The following MFGE8 variants were observed in gnomAD, a reference collection of about 807,000 sequenced individuals.
MFGE8 encodes the protein milk fat globule EGF and factor V/VIII domain containing, also known as lactadherin.
In MFGE8, 34 loss-of-function variants were observed where a neutral mutation model predicts 42.6. That is an observed-to-expected ratio of 0.80 (90% CI 0.61 to 1.06). The LOEUF (loss-of-function observed/expected upper bound fraction) is 1.06. Among genes scored for constraint, MFGE8 ranks in the 50% least tolerant of loss-of-function variants. The pLI, the probability that MFGE8 is intolerant of heterozygous loss-of-function variation, is 0.00. For synonymous variants in MFGE8, 230 were observed against 214.8 expected (o/e 1.07, Z -0.62); for missense variants, 510 against 516.9 (o/e 0.99, Z 0.13).
Position 88,899,768 on chromosome 15 carries a change from T to G in MFGE8, c.914A>C (p.Gln305Pro). ...GACAGAGCCAAAGTTACGGGCCCCC[T>G]GGGTGATGATGCCTGTCACCTCCTT... ...SSKEVTGIIT[Q>P]GARNFGSVQF... The change falls in exon 7 of 8, where the codon CAG becomes CCG. Residue 305 changes from glutamine (Q) to proline (P), a missense_variant. Transcript: ENST00000268150. This position sits in a 1 kb window ranked among gnomAD's most constrained non-coding sequence, Gnocchi z 6.8. 1.2e-6 allele frequency: 2 copies of G among 1,614,094 alleles called. No individual in the cohort carries two copies.
At position 88,906,792 on chromosome 15, in the gene MFGE8, AG is replaced by A; in HGVS notation, c.388-15del. Reference sequence around the variant, plus strand: ...CAGCAGGTTCACCTGGACACAGGGCAGGGGAGATGGCACCCTTATCTCCTGG... The same window carrying A: ...CAGCAGGTTCACCTGGACACAGGGCAGGGAGATGGCACCCTTATCTCCTGG... On this transcript the variant is annotated splice_polypyrimidine_tract_variant and intron_variant, in intron 3 of 7. Coordinates refer to ENST00000268150, the MANE Select transcript of MFGE8 (RefSeq NM_005928.4). The surrounding 1 kb of genome is among the most constrained non-coding windows in gnomAD (Gnocchi z 4.2). The A allele has an allele frequency of 6.2e-7, 1 of 1,612,352 alleles. No homozygotes were observed. The highest frequency in any genetic ancestry group is 8.5e-7 in the Non-Finnish European group (1 of 1,179,814).
Position 88,898,958 on chromosome 15 carries a change from C to T in MFGE8, c.*437G>A, listed in dbSNP as rs940846160. 8 of 260,934 alleles carry T rather than the reference C, an allele frequency of 3.1e-5. No homozygotes were observed. The highest frequency in any genetic ancestry group is 1.9e-4 in the Admixed American group (4 of 20,586). The allele number at this position is 260,934 out of a possible 1,614,324, so 16.2% of individuals were successfully genotyped here. A position where few individuals can be genotyped will look rare whatever the true frequency, so the allele number is the denominator to read the frequency against. ...TACCCCAGGGCCGACGCAGGGCCGA[C>T]GGGCAAGAGGCTGTTATCTCCAGCC... On this transcript the variant is annotated 3_prime_UTR_variant, in exon 8 of 8. Coordinates refer to ENST00000268150, the MANE Select transcript of MFGE8 (RefSeq NM_005928.4).
Position 88,899,128 on chromosome 15 carries a change from C to T in MFGE8, c.*267G>A. ...ACGCCCTACTTTGCCCTTTCCTGTC[C>T]ATCCCAGACCTACTCAGATCCCTCA... On this transcript the variant is annotated 3_prime_UTR_variant, in exon 8 of 8. Coordinates refer to ENST00000268150, the MANE Select transcript of MFGE8 (RefSeq NM_005928.4). The surrounding 1 kb of genome is among the most constrained non-coding windows in gnomAD (Gnocchi z 6.8). 1.8e-6 allele frequency: 1 copy of T among 547,048 alleles called. No homozygotes were observed. The highest frequency in any genetic ancestry group is 3.3e-6 in the Non-Finnish European group (1 of 305,016). 33.9% of individuals were successfully genotyped at this position (547,048 alleles called of 1,614,324 possible).
At position 88,899,965 on chromosome 15, in the gene MFGE8, T is replaced by C. The variant is rs1898284346; in HGVS notation, c.871-154A>G. On this transcript the variant is annotated intron_variant, in intron 6 of 7. Transcript: ENST00000268150. The surrounding 1 kb of genome is among the most constrained non-coding windows in gnomAD (Gnocchi z 6.8). ...TATAAAATGGGCATAAGGCCGGACA[T>C]GGTGTCTCATGCCTATAATCCCAAC... 6.6e-6 allele frequency among the ~76,000 whole-genome samples: 1 copy of C among 152,100 alleles called. No homozygotes were observed. The highest frequency in any genetic ancestry group is 1.5e-5 in the Non-Finnish European group (1 of 68,006).
chr15:88,901,360 C>G (rs1389942729), intron 6 of MFGE8, among the ~76,000 whole-genome samples, 191 bp downstream of exon 6: 2 of 152,106 alleles, frequency 1.3e-5, no homozygotes, highest in Admixed American at 6.6e-5. Flanking sequence ...CTTTCTCCAC[C>G]TTGGTGGAAG....
rs56127644 is a variant in MFGE8, at chr15:88,902,250, A to G, written c.686-515T>C. The G allele has an allele frequency of 0.27, 41,755 of 155,794 alleles. 5,927 individuals are homozygous for G. The highest frequency in any genetic ancestry group is 0.34 in the Admixed American group (5,529 of 16,336). The allele number at this position is 155,794 out of a possible 1,614,324, so 9.7% of individuals were successfully genotyped here. ...ATTTAACCTGCCACCAAAAAAAAAA[A>G]GAAAAAAAAACACTAAATGAAGTAG... On this transcript the variant is annotated intron_variant, in intron 5 of 7. Coordinates refer to ENST00000268150, the MANE Select transcript of MFGE8 (RefSeq NM_005928.4). The surrounding 1 kb of genome is among the most constrained non-coding windows in gnomAD (Gnocchi z 4.3).
intron 2 of MFGE8, among the ~76,000 whole-genome samples, chr15:88,908,254 C>G (rs1898792063): frequency 6.6e-6 from 1 of 152,194 alleles, no homozygotes. Context: ...CAGATCTAGT[C>G]TTCCTCCAAC....
chr15:88,901,311 A>ACATTCACACG (rs1555461028), intron 6 of MFGE8, among the ~76,000 whole-genome samples: 14 of 130,196 alleles, frequency 1.1e-4, no homozygotes, highest in Middle Eastern at 4.3e-3. Flanking sequence ...ACACTCACAC[A>ACATTCACACG]CACACATTCA....
chr15:88,901,579 C>T lies in MFGE8; in HGVS notation c.842G>A (p.Gly281Glu). Residue 281 changes from glycine to glutamate, a missense_variant, in exon 6 of 8, where the codon GGG becomes GAG. Physicochemically the swap from Gly to Glu is moderately conservative, Grantham distance 98. Coordinates refer to ENST00000268150, the MANE Select transcript of MFGE8 (RefSeq NM_005928.4). ...CAGCCACTGATCGTTACCGTAGCTC[C>T]CCGCAACCCAGGCGTTGAAGTTGCC... is the stretch of plus-strand genomic sequence containing the variant. Reference protein sequence around the residue: ...KQGNFNAWVAGSYGNDQWLQV... With the variant: ...KQGNFNAWVAESYGNDQWLQV... 6.2e-7 allele frequency: 1 copy of T among 1,613,920 alleles called. No homozygotes were observed. The highest frequency in any genetic ancestry group is 1.7e-5 in the Admixed American group (1 of 59,982).
In MFGE8 at chr15:88,911,397, C is replaced by T. The variant is rs532368620; in HGVS notation, c.74-1474G>A. Among the ~76,000 whole-genome samples the T allele has an allele frequency of 2.6e-5, 4 of 152,284 alleles. No homozygotes were observed. In the East Asian group the frequency reaches 7.7e-4, roughly 29 times the overall value. On this transcript the variant is annotated intron_variant, in intron 1 of 7. Coordinates refer to ENST00000268150, the MANE Select transcript of MFGE8 (RefSeq NM_005928.4). ...GAAGGGCTGCCCCAGACCCTACACCCAAATCTGTCATTTGGAGCAAGACAT... is the reference window on the plus strand; with the variant it reads ...GAAGGGCTGCCCCAGACCCTACACCTAAATCTGTCATTTGGAGCAAGACAT...
intron 1 of MFGE8, chr15:88,912,154 C>T (rs1459295047): frequency 1.6e-6 from 2 of 1,289,836 alleles, no homozygotes; most frequent in African/African-American, 3.0e-5. Flanking sequence ...GTGTTTCCTC[C>T]TTCTGGAAAA....
chr15:88,899,246 A>C lies in MFGE8; in HGVS notation c.*149T>G. 1 of 1,057,072 alleles carries C rather than the reference A, an allele frequency of 9.5e-7. No homozygotes were observed. Among genetic ancestry groups the C allele is most frequent in the South Asian group, 1.5e-5 (1 of 68,482 alleles). 65.5% of individuals were successfully genotyped at this position (1,057,072 alleles called of 1,614,324 possible). On this transcript the variant is annotated 3_prime_UTR_variant, in exon 8 of 8. Coordinates refer to ENST00000268150, the MANE Select transcript of MFGE8 (RefSeq NM_005928.4). This position sits in a 1 kb window ranked among gnomAD's most constrained non-coding sequence, Gnocchi z 6.8. ...CCGTGAGAGGTGGAGGGTGGGAAAG[A>C]GGGAGGGAGGGGTGACTGTGTGGTG...
At chr15:88,912,307 A>C in intron 1 of MFGE8, 1 of 1,278,440 alleles carries the variant, frequency 7.8e-7, no homozygotes, top group Admixed American at 2.3e-5. Flanking sequence ...GCTGTCTTTC[A>C]TGGTGGCCGG....
At position 88,913,279 on chromosome 15, in the gene MFGE8, AG is replaced by A; in HGVS notation, c.40del (p.Leu14CysfsTer80). On this transcript the variant is annotated frameshift_variant, in exon 1 of 8. Transcript: ENST00000268150. LOFTEE classifies it high-confidence loss of function. ...GACGAGGAGGCTGGGGGCGCAGAGCAGCGCGCCGCACAGCGCGGCCAGCAGG... is the reference window on the plus strand; with the variant it reads ...GACGAGGAGGCTGGGGGCGCAGAGCACGCGCCGCACAGCGCGGCCAGCAGG... ...PRLLAALCGA[L>X]LCAPSLLVAL... 1 of 1,494,392 alleles carries A rather than the reference AG, an allele frequency of 6.7e-7. No individual in the cohort carries two copies. The allele number at this position is 1,494,392 out of a possible 1,614,324, so 92.6% of individuals were successfully genotyped here. A position where few individuals can be genotyped will look rare whatever the true frequency, so the allele number is the denominator to read the frequency against.
At chr15:88,912,358 C>T (rs1899004771) in intron 1 of MFGE8, 1 of 985,020 alleles carries the variant, frequency 1.0e-6, no homozygotes, top group African/African-American at 1.7e-5. Flanking sequence ...GCTTGGAGCA[C>T]TCTGGAAGCT....
chr15:88,901,480 A>G (rs1898426342), intron 6 of MFGE8, 71 bp downstream of exon 6: 2 of 1,459,796 alleles, frequency 1.4e-6, no homozygotes, highest in Admixed American at 3.4e-5. Context: ...GGCTGGAGAG[A>G]GGTCAAAGAT....
intron 2 of MFGE8, 45 bp from the exon 3 acceptor site, chr15:88,907,421 C>T (rs376946118): frequency 6.3e-6 from 10 of 1,586,576 alleles, no homozygotes; most frequent in African/African-American, 2.7e-5. Flanking sequence ...CCAGCAGGTT[C>T]CCGGGCCCAG....
chr15:88,908,916 G>T (rs1281399131), intron 2 of MFGE8, among the ~76,000 whole-genome samples: 1 of 152,164 alleles, frequency 6.6e-6, no homozygotes, highest in Non-Finnish European at 1.5e-5. Context: ...CCTTCTGGAG[G>T]CCAGCAAACC....
At chr15:88,904,519 G>A (rs867477339) in intron 5 of MFGE8, 2 of 152,260 alleles carry the variant, frequency 1.3e-5, no homozygotes, top group African/African-American at 4.8e-5. Context: ...GTCATGCCTG[G>A]ATACAGGCAA....
Sources: allele counts gnomAD v4.1 joint callset (sites outside exome capture counted in the v4.1 genomes callset), GRCh38; gene constraint gnomAD v4.1.1; non-coding constraint Gnocchi (gnomAD v3.1); transcripts MANE v1.5; gene names NCBI Gene and HGNC (gene_info 2026-07-23, HGNC 2026-07-21).